PLCG2: variants seen among roughly 807,000 people sequenced by gnomAD.
PLCG2 encodes the protein 1-phosphatidylinositol 4,5-bisphosphate phosphodiesterase gamma-2.
A neutral mutation model predicts 175.6 loss-of-function variants in PLCG2; 69 were observed. The ratio of observed to expected loss-of-function variants is 0.39; its 90% CI spans 0.32 to 0.48. The LOEUF is 0.48. PLCG2 is among the 20% of genes least tolerant of loss of function. PLCG2 has a pLI of 0.91. For synonymous variants in PLCG2, 827 were observed against 624.0 expected (o/e 1.33, Z -4.85); for missense variants, 1,798 against 1,650.9 (o/e 1.09, Z -1.54).
At position 81,958,306 on chromosome 16, in the gene PLCG2, T is replaced by C. The variant is rs1323206691; in HGVS notation, c.*308T>C. The C allele has an allele frequency of 2.5e-6, 1 of 393,524 alleles. No individual in the cohort carries two copies. The highest frequency in any genetic ancestry group is 4.6e-6 in the Non-Finnish European group (1 of 216,468). 24.4% of individuals were successfully genotyped at this position (393,524 alleles called of 1,614,324 possible). A position where few individuals can be genotyped will look rare whatever the true frequency, so the allele number is the denominator to read the frequency against. On this transcript the variant is annotated 3_prime_UTR_variant, in exon 33 of 33. Coordinates refer to ENST00000564138, the MANE Select transcript of PLCG2 (RefSeq NM_002661.5). ...AATGAAAACCTTGATCAATTAAGCC[T>C]TCTGTTGCACGACCTGTGCAGTGAA... is the stretch of plus-strand genomic sequence containing the variant.
At chr16:81,956,535 C>T (rs1911576356) in intron 31 of PLCG2, among the ~76,000 whole-genome samples, 160 bp from the exon 32 acceptor site, 1 of 152,158 alleles carries the variant, frequency 6.6e-6, no homozygotes. Flanking sequence ...TGTGTTTTAT[C>T]TTTCTTTGGT....
chr16:81,854,089 G>T (rs1204403009), intron 2 of PLCG2, among the ~76,000 whole-genome samples: 30 of 139,090 alleles, frequency 2.2e-4, no homozygotes. Context: ...CATCAATTTG[G>T]TCTCTTGTTT....
intron 2 of PLCG2, among the ~76,000 whole-genome samples, chr16:81,789,939 A>G (rs1461422334): frequency 6.6e-6 from 1 of 151,820 alleles, no homozygotes; most frequent in Non-Finnish European, 1.5e-5. Flanking sequence ...TTGGATTCAA[A>G]TCTCCGTGGA....
At chr16:81,946,764 G>A (rs146770710) in intron 31 of PLCG2, among the ~76,000 whole-genome samples, 99 of 152,198 alleles carry the variant, frequency 6.5e-4, no homozygotes, top group African/African-American at 2.2e-3. Flanking sequence ...CCTCCTTTAC[G>A]CCAGAATTCT....
At chr16:81,912,533 C>T (rs574238548) in intron 18 of PLCG2, 64 bp from the exon 19 acceptor site, 47 of 1,584,064 alleles carry the variant, frequency 3.0e-5, no homozygotes, top group African/African-American at 5.4e-5. Context: ...TTGTCCTCTG[C>T]GGGTGGCCCA....
intron 2 of PLCG2, among the ~76,000 whole-genome samples, chr16:81,824,584 C>T (rs564082424): frequency 2.6e-5 from 4 of 152,318 alleles, no homozygotes; most frequent in Non-Finnish European, 5.9e-5. Flanking sequence ...CACCATGTTC[C>T]TCGTGTGCCA....
intron 2 of PLCG2, among the ~76,000 whole-genome samples, chr16:81,853,581 T>C (rs1597355723): frequency 6.6e-6 from 1 of 152,218 alleles, no homozygotes; most frequent in Non-Finnish European, 1.5e-5. Context: ...TAGTTCACCG[T>C]AGGGTTTGCG....
intron 2 of PLCG2, among the ~76,000 whole-genome samples, chr16:81,800,286 CT>C (rs1433113656): frequency 1.3e-5 from 2 of 152,158 alleles, no homozygotes; most frequent in African/African-American, 2.4e-5. Context: ...GCCATCGTGG[CT>C]TGCTGCACCT....
chr16:81,859,050 A>T (rs1906829145), intron 4 of PLCG2, 66 bp from the exon 5 acceptor site: 2 of 986,324 alleles, frequency 2.0e-6, no homozygotes, highest in Non-Finnish European at 3.3e-6. Flanking sequence ...CGTAGGACTC[A>T]CTTAGACTTG....
intron 2 of PLCG2, among the ~76,000 whole-genome samples, chr16:81,852,857 T>C (rs572534396): frequency 6.6e-6 from 1 of 152,296 alleles, no homozygotes; most frequent in Admixed American, 6.5e-5. Flanking sequence ...CAGTGCTCTG[T>C]GGCTGTTGGC....
intron 2 of PLCG2, among the ~76,000 whole-genome samples, chr16:81,761,497 C>G (rs1222195567): frequency 6.6e-6 from 1 of 152,184 alleles, no homozygotes; most frequent in Non-Finnish European, 1.5e-5. Flanking sequence ...TGGGCAGCAG[C>G]CTGGGAGCTG....
chr16:81,759,123 C>T (rs1308341403), intron 2 of PLCG2, among the ~76,000 whole-genome samples: 1 of 152,140 alleles, frequency 6.6e-6, no homozygotes, highest in African/African-American at 2.4e-5. Context: ...CATTTGGATT[C>T]TTTACCCACT....
intron 31 of PLCG2, among the ~76,000 whole-genome samples, chr16:81,953,025 A>C (rs543238296): frequency 6.6e-6 from 1 of 152,246 alleles, no homozygotes; most frequent in African/African-American, 2.4e-5. Flanking sequence ...TGAGAAGGGT[A>C]CATTGCTTCT....
chr16:81,850,776 G>A (rs776775162), intron 2 of PLCG2, among the ~76,000 whole-genome samples: 12 of 152,128 alleles, frequency 7.9e-5, no homozygotes, highest in African/African-American at 2.4e-4. Context: ...TCTCATTAGC[G>A]TGTTAAATCC....
At chr16:81,781,368 T>G (rs1412373117) in intron 1 of PLCG2, among the ~76,000 whole-genome samples, 1 of 137,618 alleles carries the variant, frequency 7.3e-6, no homozygotes. Flanking sequence ...ATGTGCACCA[T>G]TATTTATCCA....
chr16:81,773,365 G>A (rs552091591), intron 2 of PLCG2, among the ~76,000 whole-genome samples: 3 of 152,272 alleles, frequency 2.0e-5, no homozygotes, highest in African/African-American at 4.8e-5. Context: ...AGCTGAATAC[G>A]TCCTAGTGGA....
rs552379196 is a variant in PLCG2, at chr16:81,896,607, C to T, written c.1193+680C>T. Among the ~76,000 whole-genome samples, 185 of 150,904 alleles carry T rather than the reference C, an allele frequency of 1.2e-3. 1 individual carries two copies. The highest frequency in any genetic ancestry group is 1.6e-3 in the Admixed American group (24 of 15,144). On this transcript the variant is annotated intron_variant, in intron 13 of 32. Transcript: ENST00000564138. ...GAAAAAAACCCAAAAAAACAAAAAC[C>T]AAAAAAAAAGTGAGGCAAGGAAAGT...
chr16:81,871,364 A>G (rs981882510), intron 7 of PLCG2, among the ~76,000 whole-genome samples: 1 of 152,172 alleles, frequency 6.6e-6, no homozygotes, highest in Non-Finnish European at 1.5e-5. Flanking sequence ...TTTGAGATAG[A>G]GTCTCACTCT....
At chr16:81,751,364 A>G (rs1909809564) in intron 1 of PLCG2, among the ~76,000 whole-genome samples, 1 of 152,208 alleles carries the variant, frequency 6.6e-6, no homozygotes, top group South Asian at 2.1e-4. Flanking sequence ...TAAGTGAAAT[A>G]AGCCAGGCCC....
Sources: allele counts gnomAD v4.1 joint callset (sites outside exome capture counted in the v4.1 genomes callset), GRCh38; gene constraint gnomAD v4.1.1; transcripts MANE v1.5; gene names NCBI Gene and HGNC (gene_info 2026-07-23, HGNC 2026-07-21).